The following DGKI variants were observed in gnomAD, a reference collection of about 807,000 sequenced individuals.
DGKI encodes the protein DAG kinase iota.
In DGKI, 55 loss-of-function variants were observed where a neutral mutation model predicts 147.5. That is an observed-to-expected ratio of 0.37 (90% CI 0.30 to 0.47). The LOEUF (loss-of-function observed/expected upper bound fraction) is 0.47. DGKI is among the 20% of genes least tolerant of loss of function. The pLI is 1.00. For missense variants in DGKI, 1,007 were observed against 1,323.8 expected, an observed-to-expected ratio of 0.76 and a Z score of 3.71; for synonymous variants, 469 against 477.1, an observed-to-expected ratio of 0.98 and a Z score of 0.22.
At chr7:137,552,881 C>T (rs549847787) in intron 19 of DGKI, among the ~76,000 whole-genome samples, 65 of 152,140 alleles carry the variant, frequency 4.3e-4, no homozygotes, top group Non-Finnish European at 7.4e-4. Context: ...AGCCGCTGCA[C>T]TCCAGCATGG....
At chr7:137,779,847 A>C (rs1330770053) in intron 1 of DGKI, among the ~76,000 whole-genome samples, 1 of 152,178 alleles carries the variant, frequency 6.6e-6, no homozygotes, top group Admixed American at 6.5e-5. Flanking sequence ...TCCTTTGTCT[A>C]TATTTGAAAT....
chr7:137,528,130 T>C lies in DGKI; in HGVS notation c.2148-6164A>G, dbSNP rs116807814. ...TCTGATGCTATAGCACAGCTTGGCATTGGAGCATTTCTGAGCTGCTTTCTA... is the reference window on the plus strand; with the variant it reads ...TCTGATGCTATAGCACAGCTTGGCACTGGAGCATTTCTGAGCTGCTTTCTA... On this transcript the variant is annotated intron_variant, in intron 20 of 32. Coordinates refer to ENST00000614521, the MANE Select transcript of DGKI (RefSeq NM_001321708.2). 3.8e-3 allele frequency among the ~76,000 whole-genome samples: 576 copies of C among 152,324 alleles called. 2 individuals are homozygous for C. The highest frequency in any genetic ancestry group is 0.013 in the African/African-American group (531 of 41,582).
intron 16 of DGKI, 79 bp from the exon 17 acceptor site, chr7:137,577,363 C>A: frequency 1.0e-6 from 1 of 1,004,468 alleles, no homozygotes; most frequent in Non-Finnish European, 1.5e-6. Flanking sequence ...ATCCTAGATT[C>A]CAAGGATTCC....
intron 1 of DGKI, among the ~76,000 whole-genome samples, chr7:137,746,584 T>G (rs544656238): frequency 6.7e-6 from 1 of 148,272 alleles, no homozygotes; most frequent in Non-Finnish European, 1.5e-5. Context: ...TTGTTTGTTT[T>G]TTAAGCCTAG....
At chr7:137,709,464 C>T (rs946891556) in intron 1 of DGKI, among the ~76,000 whole-genome samples, 2 of 152,152 alleles carry the variant, frequency 1.3e-5, no homozygotes, top group African/African-American at 4.8e-5. Context: ...GAAAAATGTT[C>T]GTCTTGAATA....
At chr7:137,696,046 G>A (rs368021521) in intron 1 of DGKI, among the ~76,000 whole-genome samples, 15 of 152,090 alleles carry the variant, frequency 9.9e-5, no homozygotes, top group Non-Finnish European at 2.9e-5. Flanking sequence ...ACACATCAGC[G>A]GGCCCCCACA....
chr7:137,646,839 T>A (rs753450627), intron 5 of DGKI, among the ~76,000 whole-genome samples: 1 of 152,116 alleles, frequency 6.6e-6, no homozygotes, highest in African/African-American at 2.4e-5. Context: ...AGGTTATATA[T>A]CAAGGCATGA....
At chr7:137,797,593 T>C (rs1797072603) in intron 1 of DGKI, among the ~76,000 whole-genome samples, 1 of 152,068 alleles carries the variant, frequency 6.6e-6, no homozygotes, top group South Asian at 2.1e-4. Flanking sequence ...TAAAATTAAG[T>C]TGATATTAAC....
intron 30 of DGKI, among the ~76,000 whole-genome samples, chr7:137,404,057 G>A (rs1040914764): frequency 2.6e-5 from 4 of 152,090 alleles, no homozygotes; most frequent in African/African-American, 9.7e-5. Flanking sequence ...TTTCAATCAA[G>A]AGAGATCACC....
In DGKI at chr7:137,387,219, A is replaced by C. The variant is rs926845688; in HGVS notation, c.*4001T>G. The C allele has an allele frequency of 6.6e-6, 1 of 152,148 alleles. No individual in the cohort carries two copies. Among genetic ancestry groups the C allele is most frequent in the African/African-American group, 2.4e-5 (1 of 41,444 alleles). 9.4% of individuals were successfully genotyped at this position (152,148 alleles called of 1,614,324 possible). ...GAGGAAAGAACTCTCCTTTACTTGA[A>C]ATACAAACATAGCATAGATAAGTCT... On this transcript the variant is annotated 3_prime_UTR_variant, in exon 33 of 33. Coordinates refer to ENST00000614521, the MANE Select transcript of DGKI (RefSeq NM_001321708.2).
At chr7:137,446,351 C>G (rs904424474) in intron 27 of DGKI, among the ~76,000 whole-genome samples, 1 of 152,180 alleles carries the variant, frequency 6.6e-6, no homozygotes, top group African/African-American at 2.4e-5. Context: ...TCCCATATGC[C>G]TGGCTTTGTG....
intron 28 of DGKI, among the ~76,000 whole-genome samples, chr7:137,431,911 C>A (rs796168434): frequency 3.7e-4 from 57 of 152,316 alleles, no homozygotes; most frequent in African/African-American, 1.3e-3. Context: ...CGTGTCCCCA[C>A]CAAATCTCAT....
intron 1 of DGKI, among the ~76,000 whole-genome samples, chr7:137,826,517 T>C (rs2117053514): frequency 6.6e-6 from 1 of 152,362 alleles, no homozygotes; most frequent in South Asian, 2.1e-4. Flanking sequence ...TCTCTATTCA[T>C]GTAACAGTGT....
chr7:137,446,009 CA>C (rs1175601298), intron 27 of DGKI, among the ~76,000 whole-genome samples: 8 of 152,178 alleles, frequency 5.3e-5, no homozygotes, highest in African/African-American at 1.4e-4. Context: ...GAATCAGCCA[CA>C]AGGAAATATC....
chr7:137,519,402 T>C (rs189714400), intron 21 of DGKI, among the ~76,000 whole-genome samples: 2 of 152,142 alleles, frequency 1.3e-5, no homozygotes, highest in Non-Finnish European at 2.9e-5. Flanking sequence ...CCTGAAGATA[T>C]CACTTGGCAC....
chr7:137,668,218 G>T (rs140765357), intron 3 of DGKI, among the ~76,000 whole-genome samples: 1 of 152,194 alleles, frequency 6.6e-6, no homozygotes, highest in Admixed American at 6.5e-5. Flanking sequence ...ATCCCTAGGG[G>T]AACTGACTAA....
intron 30 of DGKI, among the ~76,000 whole-genome samples, chr7:137,407,015 GGAGTCAGCCACAGGCT>G (rs1165817685): frequency 6.7e-6 from 1 of 149,790 alleles, no homozygotes; most frequent in East Asian, 2.0e-4. Context: ...GGGTACAAAA[GGAGTCAGCCACAGGCT>G]GACTGTCAGG....
intron 1 of DGKI, among the ~76,000 whole-genome samples, chr7:137,784,944 T>C (rs893193502): frequency 4.0e-5 from 6 of 151,820 alleles, no homozygotes; most frequent in African/African-American, 1.5e-4. Flanking sequence ...ACACAACCTA[T>C]CAAAACCTCT....
chr7:137,834,227 G>A (rs887001154), intron 1 of DGKI, among the ~76,000 whole-genome samples: 14 of 152,152 alleles, frequency 9.2e-5, no homozygotes, highest in Admixed American at 4.6e-4. Context: ...GCATTTCTAT[G>A]GGTTTTATGC....
Sources: allele counts gnomAD v4.1 joint callset (sites outside exome capture counted in the v4.1 genomes callset), GRCh38; gene constraint gnomAD v4.1.1; transcripts MANE v1.5; gene names NCBI Gene and HGNC (gene_info 2026-07-23, HGNC 2026-07-21).